Variants in TMEM117 observed in about 807,000 individuals in gnomAD.
TMEM117 encodes transmembrane protein 117.
In TMEM117, 27 loss-of-function variants were observed where a neutral mutation model predicts 52.4. The ratio of observed to expected loss-of-function variants is 0.51; its 90% confidence interval spans 0.38 to 0.71. The LOEUF (loss-of-function observed/expected upper bound fraction) is 0.71, where lower values mean the gene tolerates loss of function less well. Ranked by LOEUF, TMEM117 falls within the 30% of genes least tolerant of loss-of-function variation. The probability of loss-of-function intolerance (pLI) is 0.00; values close to 1 mark genes in which losing one functional copy is unlikely to be tolerated. For synonymous variants in TMEM117, 215 were observed against 206.3 expected, an observed-to-expected ratio of 1.04 and a Z score of -0.36; for missense variants, 556 against 630.5, an observed-to-expected ratio of 0.88 and a Z score of 1.26.
intron 5 of TMEM117, among the ~76,000 whole-genome samples, chr12:44,280,168 C>G (rs1950560814): frequency 6.6e-6 from 1 of 152,098 alleles, no homozygotes; most frequent in Admixed American, 6.5e-5. Context: ...AAAATTCAGG[C>G]CCTGACCTTT....
chr12:43,917,682 C>G (rs1944628466), intron 2 of TMEM117, among the ~76,000 whole-genome samples: 1 of 152,128 alleles, frequency 6.6e-6, no homozygotes, highest in Non-Finnish European at 1.5e-5. Context: ...TATTGGGGTT[C>G]ATAATTCTTA....
chr12:44,202,830 C>A (rs1341379748), intron 4 of TMEM117, among the ~76,000 whole-genome samples: 1 of 151,616 alleles, frequency 6.6e-6, no homozygotes, highest in Non-Finnish European at 1.5e-5. Flanking sequence ...ACTGTGTCAC[C>A]CAGGCTAGAG....
chr12:44,037,995 G>A (rs541139656), intron 3 of TMEM117, among the ~76,000 whole-genome samples: 1 of 152,246 alleles, frequency 6.6e-6, no homozygotes, highest in East Asian at 1.9e-4. Context: ...CCTGCCTGCA[G>A]ATGGGAGCTA....
intron 5 of TMEM117, among the ~76,000 whole-genome samples, chr12:44,277,675 A>AAGCCACATGATTTCCCCCCATTTC (rs1950530493): frequency 1.3e-5 from 2 of 151,512 alleles, no homozygotes; most frequent in Non-Finnish European, 2.9e-5. Flanking sequence ...TCTCAAATTT[A>AAGCCACATGATTTCCCCCCATTTC]AGCCACATGA....
intron 3 of TMEM117, among the ~76,000 whole-genome samples, chr12:44,118,312 AC>A (rs998826808): frequency 7.2e-5 from 11 of 152,312 alleles, no homozygotes; most frequent in African/African-American, 2.4e-4. Context: ...CATGTATTTA[AC>A]CAAAAGAATT....
Position 44,075,760 on chromosome 12 carries a change from TA to T in TMEM117, c.411-67764del, listed in dbSNP as rs200956966. Reference sequence around the variant, plus strand: ...TGCTGTAGACTTGTGCCTTGGGGTATAGGGGGGAAATTATAGTACTCTTTTA... The same window carrying T: ...TGCTGTAGACTTGTGCCTTGGGGTATGGGGGGAAATTATAGTACTCTTTTA... On this transcript the variant is annotated intron_variant, in intron 3 of 7. Transcript: ENST00000266534. Among the ~76,000 whole-genome samples, 670 of 152,244 alleles carry T rather than the reference TA, an allele frequency of 4.4e-3. 4 individuals carry two copies. Among genetic ancestry groups the T allele is most frequent in the African/African-American group, 0.015 (629 of 41,540 alleles).
At chr12:43,838,849 C>A (rs1943074103) in intron 1 of TMEM117, among the ~76,000 whole-genome samples, 1 of 151,916 alleles carries the variant, frequency 6.6e-6, no homozygotes, top group Non-Finnish European at 1.5e-5. Context: ...CTGGTAAATC[C>A]AAATGGCAGG....
intron 6 of TMEM117, among the ~76,000 whole-genome samples, chr12:44,338,642 G>A (rs1293154542): frequency 1.3e-5 from 2 of 151,924 alleles, no homozygotes; most frequent in African/African-American, 4.8e-5. Context: ...ATCCATGAGT[G>A]TAAAGGAAAT....
the TMEM117 span, among the ~76,000 whole-genome samples, chr12:43,816,287 C>T: frequency 1.3e-5 from 2 of 152,170 alleles, no homozygotes; most frequent in African/African-American, 4.8e-5. Context: ...CCACAGTTAG[C>T]TCACTTCTGA....
rs533835248 is a variant in TMEM117 at position 43,910,525 on chromosome 12, T to C, written c.278-33685T>C. 4.0e-5 allele frequency among the ~76,000 whole-genome samples: 6 copies of C among 148,728 alleles called. No individual in the cohort carries two copies. The South Asian group carries it at 1.3e-3, about 33-fold the overall frequency. On this transcript the variant is annotated intron_variant, in intron 2 of 7. Coordinates refer to ENST00000266534, the MANE Select transcript of TMEM117 (RefSeq NM_032256.3). Reference sequence around the variant, plus strand: ...TTAGGCAGGAGAAGGAAATAAAGGGTATTCAATTAGGAAAAGAGGAAGTCA... The same window carrying C: ...TTAGGCAGGAGAAGGAAATAAAGGGCATTCAATTAGGAAAAGAGGAAGTCA...
At chr12:43,825,217 A>G in the TMEM117 span, among the ~76,000 whole-genome samples, 5 of 152,348 alleles carry the variant, frequency 3.3e-5, no homozygotes, top group African/African-American at 1.2e-4. Flanking sequence ...AAAATAATCC[A>G]CAGGAAAAAT....
intron 3 of TMEM117, among the ~76,000 whole-genome samples, chr12:43,988,878 C>T (rs889159495): frequency 6.6e-6 from 1 of 151,936 alleles, no homozygotes; most frequent in African/African-American, 2.4e-5. Flanking sequence ...AATAAGAAAC[C>T]ACTGCTTTTT....
intron 3 of TMEM117, chr12:44,083,764 T>G (rs1592501839): frequency 6.6e-6 from 1 of 152,132 alleles, no homozygotes; most frequent in East Asian, 1.9e-4. Context: ...GTCTTAATTT[T>G]CATTTGCTTG....
chr12:44,191,524 T>C (rs1949354236), intron 4 of TMEM117, among the ~76,000 whole-genome samples: 1 of 152,150 alleles, frequency 6.6e-6, no homozygotes, highest in Non-Finnish European at 1.5e-5. Context: ...TAAGACATGG[T>C]AGAGTTGTAG....
At chr12:44,140,741 T>C (rs1202524667) in intron 3 of TMEM117, among the ~76,000 whole-genome samples, 1 of 152,102 alleles carries the variant, frequency 6.6e-6, no homozygotes, top group Non-Finnish European at 1.5e-5. Context: ...GATTCATCCA[T>C]CTCTGGTTTT....
At chr12:44,116,069 A>T (rs1948137404) in intron 3 of TMEM117, among the ~76,000 whole-genome samples, 1 of 152,124 alleles carries the variant, frequency 6.6e-6, no homozygotes, top group Admixed American at 6.5e-5. Flanking sequence ...CTTCTCAATC[A>T]CTGAAAATAT....
chr12:43,914,370 C>A (rs191739137), intron 2 of TMEM117, among the ~76,000 whole-genome samples: 1 of 152,114 alleles, frequency 6.6e-6, no homozygotes, highest in Non-Finnish European at 1.5e-5. Flanking sequence ...TCAGTCTTCC[C>A]CTAGATTGTG....
At chr12:44,274,622 CA>C (rs1950489792) in intron 5 of TMEM117, among the ~76,000 whole-genome samples, 1 of 152,014 alleles carries the variant, frequency 6.6e-6, no homozygotes, top group Non-Finnish European at 1.5e-5. Context: ...ACCAATGGAA[CA>C]GAATAGAGAA....
At chr12:44,132,220 C>A (rs1359189776) in intron 3 of TMEM117, among the ~76,000 whole-genome samples, 1 of 144,994 alleles carries the variant, frequency 6.9e-6, no homozygotes, top group Non-Finnish European at 1.5e-5. Flanking sequence ...AAACTTCTGT[C>A]TTTAACCTAG....
Sources: allele counts gnomAD v4.1 joint callset (sites outside exome capture counted in the v4.1 genomes callset), GRCh38; gene constraint gnomAD v4.1.1; transcripts MANE v1.5; gene names NCBI Gene and HGNC (gene_info 2026-07-23, HGNC 2026-07-21).